Variants in SYNE1 observed in about 807,000 individuals in gnomAD.
SYNE1 encodes spectrin repeat containing nuclear envelope protein 1, also known as nesprin-1.
SYNE1 carries 616 observed loss-of-function variants against 1,111.0 expected under a neutral mutation model. The ratio of observed to expected loss-of-function variants is 0.55; its 90% confidence interval spans 0.52 to 0.59. The LOEUF is 0.59. Ranked by LOEUF, SYNE1 falls within the 20% of genes least tolerant of loss-of-function variation. The probability of loss-of-function intolerance (pLI) is 0.00; values close to 1 mark genes in which losing one functional copy is unlikely to be tolerated. For missense variants in SYNE1, 10,006 were observed against 10,417.0 expected (o/e 0.96, Z 1.72); for synonymous variants, 3,855 against 3,825.8 (o/e 1.01, Z -0.28).
rs781689334 is a variant in SYNE1, at chr6:152,308,612, T to C, written c.17223A>G (p.Glu5741=). Residue 5741 remains glutamate, a synonymous_variant, in exon 91 of 146, where the codon GAA becomes GAG. Coordinates refer to ENST00000367255, the MANE Select transcript of SYNE1 (RefSeq NM_182961.4). ...NIMQEAVVQY[E]QYEQEMKHLQ... is the part of the protein sequence containing the mutation. ...GATGTTTCATTTCTTGCTCATATTGTTCATATTGTACCACAGCTTCCTTTG... is the reference window on the plus strand; with the variant it reads ...GATGTTTCATTTCTTGCTCATATTGCTCATATTGTACCACAGCTTCCTTTG... 3 of 1,612,080 alleles carry C rather than the reference T, an allele frequency of 1.9e-6. No individual in the cohort carries two copies. The highest frequency in any genetic ancestry group is 2.2e-5 in the South Asian group (2 of 90,930).
In SYNE1 at chr6:152,471,531, G is replaced by T. The variant is rs2098805558; in HGVS notation, c.1632+66C>A. 9 of 1,485,378 alleles carry T rather than the reference G, an allele frequency of 6.1e-6. No individual in the cohort carries two copies. In the Admixed American group the frequency reaches 1.0e-4, roughly 17 times the overall value. The allele number at this position is 1,485,378 out of a possible 1,614,324, so 92.0% of individuals were successfully genotyped here. A position where few individuals can be genotyped will look rare whatever the true frequency, so the allele number is the denominator to read the frequency against. ...CAAGAATTAAAATAACAACATCAAA[G>T]AAACTGAACTGTGTTGCTAAATCCA... is the stretch of plus-strand genomic sequence containing the variant. On this transcript the variant is annotated intron_variant, in intron 16 of 145. Transcript: ENST00000367255.
At chr6:152,501,032 A>G (rs1030493515) in intron 10 of SYNE1, among the ~76,000 whole-genome samples, 1 of 152,122 alleles carries the variant, frequency 6.6e-6, no homozygotes, top group Non-Finnish European at 1.5e-5. Context: ...ATTGCTCTGA[A>G]AACTCCAGTT....
At chr6:152,359,207 T>C (rs2096890192) in intron 65 of SYNE1, 108 bp downstream of exon 65, 2 of 1,502,498 alleles carry the variant, frequency 1.3e-6, no homozygotes, top group Non-Finnish European at 1.8e-6. Flanking sequence ...TTTGCTTTTG[T>C]TCTGTTTTCC....
intron 5 of SYNE1, among the ~76,000 whole-genome samples, chr6:152,525,591 GCT>G (rs1564637991): frequency 6.6e-6 from 1 of 152,090 alleles, no homozygotes; most frequent in East Asian, 1.9e-4. Context: ...CTCTGAACAG[GCT>G]GTTCTTGCTA....
Position 152,401,176 on chromosome 6 carries a change from C to T in SYNE1, c.6991G>A (p.Ala2331Thr). The T allele has an allele frequency of 6.2e-7, 1 of 1,614,110 alleles. No homozygotes were observed. Among genetic ancestry groups the T allele is most frequent in the South Asian group, 1.1e-5 (1 of 91,088 alleles). The stretch of plus-strand genomic sequence containing the variant: ...AATGCTTCACAAGTCTCATTTTGGG[C>T]ACAGTTCATCAACGATTCTTCCACT... ...TKVEESLMNC[A>T]QNETCEALKK... Residue 2331 changes from alanine (A) to threonine (T), a missense_variant, in exon 47 of 146, where the codon GCC becomes ACC. Physicochemically the swap from Ala to Thr is moderately conservative, Grantham distance 58 (BLOSUM62 0). Transcript: ENST00000367255.
At chr6:152,353,546 C>T (rs748715526) in intron 68 of SYNE1, 43 bp downstream of exon 68, 37 of 1,608,196 alleles carry the variant, frequency 2.3e-5, no homozygotes, top group African/African-American at 8.0e-5. Flanking sequence ...TTTTGGCTGG[C>T]GAAGTTTGCT....
chr6:152,331,834 G>A lies in SYNE1; in HGVS notation c.12851C>T (p.Ala4284Val). The change falls in exon 78 of 146, where the codon GCA (alanine) becomes GTA (valine). Residue 4284 changes from alanine (A) to valine (V), a missense_variant. By Grantham distance (64) the Ala-to-Val change is moderately conservative. Transcript: ENST00000367255. ...HLEALKKLAL[A>V]LQERKYAIED... ...AATAGCATACTTTCTCTCCTGCAAT[G>A]CCAATGCTAACTTTTTCAAAGCTTC... 3 of 1,613,854 alleles carry A rather than the reference G, an allele frequency of 1.9e-6. No individual in the cohort carries two copies. The highest frequency in any genetic ancestry group is 1.7e-6 in the Non-Finnish European group (2 of 1,180,030).
intron 3 of SYNE1, among the ~76,000 whole-genome samples, chr6:152,574,723 T>G (rs1405834597): frequency 6.6e-6 from 1 of 152,242 alleles, no homozygotes; most frequent in Non-Finnish European, 1.5e-5. Context: ...TTAAGGTATT[T>G]GAAGTAACTA....
chr6:152,327,037 A>T (rs979394610), intron 78 of SYNE1, among the ~76,000 whole-genome samples: 3 of 152,148 alleles, frequency 2.0e-5, no homozygotes, highest in African/African-American at 7.2e-5. Flanking sequence ...TCATGACTGT[A>T]ATCTCAGCAC....
chr6:152,417,315 G>A (rs554843393), intron 40 of SYNE1, among the ~76,000 whole-genome samples: 3 of 152,274 alleles, frequency 2.0e-5, no homozygotes, highest in East Asian at 1.9e-4. Context: ...TGGCTAACAC[G>A]GTGAAACCCC....
chr6:152,528,679 T>C (rs944647146), intron 4 of SYNE1, among the ~76,000 whole-genome samples: 1 of 152,184 alleles, frequency 6.6e-6, no homozygotes, highest in African/African-American at 2.4e-5. Flanking sequence ...AAGATGTGAC[T>C]TGAGCTGGCT....
At chr6:152,455,666 T>C (rs1330072173) in intron 23 of SYNE1, 76 bp from the exon 24 acceptor site, 16 of 1,587,386 alleles carry the variant, frequency 1.0e-5, no homozygotes, top group Non-Finnish European at 1.3e-5. Context: ...AGGGTATTAT[T>C]CATTTAAAAA....
At chr6:152,488,965 G>A (rs1021058743) in intron 11 of SYNE1, among the ~76,000 whole-genome samples, 1 of 152,150 alleles carries the variant, frequency 6.6e-6, no homozygotes, top group Middle Eastern at 3.4e-3. Context: ...TATTTAAACT[G>A]ATATTAGGTA....
At chr6:152,575,662 A>C (rs2099493461) in intron 3 of SYNE1, among the ~76,000 whole-genome samples, 2 of 152,244 alleles carry the variant, frequency 1.3e-5, no homozygotes, top group Admixed American at 1.3e-4. Context: ...AGAACAGCCT[A>C]GATTTGCCAC....
intron 22 of SYNE1, among the ~76,000 whole-genome samples, chr6:152,457,074 T>C (rs899476189): frequency 6.6e-6 from 1 of 152,138 alleles, no homozygotes; most frequent in African/African-American, 2.4e-5. Context: ...GTAGGAGATA[T>C]CACCATGTCT....
At chr6:152,512,022 T>C (rs2099087599) in intron 6 of SYNE1, among the ~76,000 whole-genome samples, 1 of 152,204 alleles carries the variant, frequency 6.6e-6, no homozygotes, top group African/African-American at 2.4e-5. Context: ...GACCTCTAGC[T>C]CAATAATTCT....
At position 152,395,584 on chromosome 6, in the gene SYNE1, C is replaced by G. The variant is rs2097719630; in HGVS notation, c.7644G>C (p.Gln2548His). The G allele has an allele frequency of 6.2e-7, 1 of 1,614,150 alleles. No individual in the cohort carries two copies. The highest frequency in any genetic ancestry group is 8.5e-7 in the Non-Finnish European group (1 of 1,180,002). ...FNTENLGESK[Q>H]HIPEKKNEVH... is the part of the protein sequence containing the mutation. Reference sequence around the variant, plus strand: ...CTTCATTTTTCTTCTCAGGAATGTGCTGTTTACTCTCTCCCAAGTTTTCCG... The same window carrying G: ...CTTCATTTTTCTTCTCAGGAATGTGGTGTTTACTCTCTCCCAAGTTTTCCG... Residue 2548 changes from glutamine (Q) to histidine (H), a missense_variant, in exon 51 of 146, where the codon CAG becomes CAC. Transcript: ENST00000367255.
intron 6 of SYNE1, among the ~76,000 whole-genome samples, chr6:152,519,795 A>G (rs1023164270): frequency 1.3e-5 from 2 of 152,196 alleles, no homozygotes; most frequent in Non-Finnish European, 2.9e-5. Context: ...TGACTCTACC[A>G]TAGGAAAGCA....
At position 152,442,228 on chromosome 6, in the gene SYNE1, G is replaced by A. The variant is rs1592776784; in HGVS notation, c.3855C>T (p.Ile1285=). The change falls in exon 31 of 146, where the codon ATC becomes ATT. Residue 1285 remains isoleucine (I), a synonymous_variant. Transcript: ENST00000367255. ...GCTGCACATCTCTCTTCTTTGCTGAGATCCGCTTTGTCTTTTGCTAGAAGC... is the reference window on the plus strand; with the variant it reads ...GCTGCACATCTCTCTTCTTTGCTGAAATCCGCTTTGTCTTTTGCTAGAAGC... ...LLHHQQKTKR[I]SAKKRDVQQQ... is the part of the protein sequence containing the mutation. 1 of 1,613,228 alleles carries A rather than the reference G, an allele frequency of 6.2e-7. No homozygotes were observed. Among genetic ancestry groups the A allele is most frequent in the Non-Finnish European group, 8.5e-7 (1 of 1,180,040 alleles).
Sources: gnomAD v4.1 joint callset for allele counts (sites outside exome capture counted in the v4.1 genomes callset) on GRCh38, gnomAD v4.1.1 for gene constraint, MANE v1.5 for transcripts, NCBI Gene and HGNC (gene_info 2026-07-23, HGNC 2026-07-21) for gene names.